Variants in ULK2 observed in about 807,000 individuals in gnomAD.
ULK2 encodes serine/threonine-protein kinase ULK2.
A neutral mutation model predicts 127.5 loss-of-function variants in ULK2; 76 were observed. The observed-to-expected ratio is 0.60, with a 90% CI of 0.50 to 0.72. The LOEUF (loss-of-function observed/expected upper bound fraction) is 0.72. ULK2 is among the 30% of genes least tolerant of loss of function. The pLI is 0.00. For missense variants in ULK2, 1,144 were observed against 1,295.9 expected (o/e 0.88, Z 1.80); for synonymous variants, 452 against 461.9 (o/e 0.98, Z 0.28).
chr17:19,847,433 AC>A (rs2041910016), intron 5 of ULK2, among the ~76,000 whole-genome samples: 3 of 152,002 alleles, frequency 2.0e-5, no homozygotes, highest in African/African-American at 7.2e-5. Context: ...TATCTCCCAC[AC>A]CCCCGTCCCA....
intron 25 of ULK2, 50 bp downstream of exon 25, chr17:19,780,422 C>T (rs2086894305): frequency 6.8e-7 from 1 of 1,461,098 alleles, no homozygotes; most frequent in Middle Eastern, 2.3e-4. Context: ...ATTAAAAAGA[C>T]ACTTAAAGAT....
intron 3 of ULK2, among the ~76,000 whole-genome samples, chr17:19,857,904 G>A (rs1219200977): frequency 6.6e-6 from 1 of 151,864 alleles, no homozygotes; most frequent in Non-Finnish European, 1.5e-5. Context: ...TCCTGTCAGT[G>A]GTCTTTACAG....
intron 13 of ULK2, among the ~76,000 whole-genome samples, chr17:19,814,411 CATATATAT>C (rs35552728): frequency 5.2e-4 from 19 of 36,534 alleles, no homozygotes; most frequent in South Asian, 1.3e-3. Context: ...TTATTATATA[CATATATAT>C]ATATATATAT....
At position 19,816,866 on chromosome 17, in the gene ULK2, C is replaced by G. The variant is rs374288072; in HGVS notation, c.979G>C (p.Gly327Arg). The part of the protein sequence containing the change: ...QEENLSSPPL[G>R]PPNYLQVSKD... The stretch of plus-strand genomic sequence containing the variant: ...GAAACTTGTAGATAGTTGGGAGGAC[C>G]CAATGGTGGGGAAGATAAGTTTTCT... Residue 327 changes from glycine (G) to arginine (R), a missense_variant, in exon 13 of 27, where the codon GGT (glycine) becomes CGT (arginine). Physicochemically the swap from Gly to Arg is moderately radical, Grantham distance 125. Around this residue, in one of 2 missense-constraint regions of ULK2, gnomAD observed 913 missense variants for 970.5 expected, o/e 0.94. Coordinates refer to ENST00000395544, the MANE Select transcript of ULK2 (RefSeq NM_014683.4). 107 of 1,610,778 alleles carry G rather than the reference C, an allele frequency of 6.6e-5. No individual in the cohort carries two copies. The highest frequency in any genetic ancestry group is 9.0e-5 in the Non-Finnish European group (106 of 1,179,062).
At chr17:19,790,963 C>T (rs1301037914) in intron 20 of ULK2, among the ~76,000 whole-genome samples, 1 of 151,914 alleles carries the variant, frequency 6.6e-6, no homozygotes, top group Non-Finnish European at 1.5e-5. Context: ...GATATGACAA[C>T]TGTAGATATA....
chr17:19,823,115 C>G, intron 12 of ULK2, among the ~76,000 whole-genome samples: 1 of 136,056 alleles, frequency 7.3e-6, no homozygotes, highest in African/African-American at 3.1e-5. Context: ...CATGCCCAGG[C>G]ACGCCTGGCT....
At chr17:19,859,367 A>G (rs1300325623) in intron 3 of ULK2, among the ~76,000 whole-genome samples, 1 of 151,750 alleles carries the variant, frequency 6.6e-6, no homozygotes, top group Non-Finnish European at 1.5e-5. Context: ...TACAAAAACA[A>G]AATTATCCAG....
Position 19,780,883 on chromosome 17 carries a change from A to G in ULK2, c.2758+103T>C, listed in dbSNP as rs1044525865. ...CTTTTCCCTTTAAGAATACTGAAAA[A>G]TAAAAACAACAGTGAGTACTCATCA... On this transcript the variant is annotated intron_variant, in intron 24 of 26. Coordinates refer to ENST00000395544, the MANE Select transcript of ULK2 (RefSeq NM_014683.4). 11 of 1,200,258 alleles carry G rather than the reference A, an allele frequency of 9.2e-6. No individual in the cohort carries two copies. The Admixed American group carries it at 1.1e-4, about 12-fold the overall frequency. The allele number at this position is 1,200,258 out of a possible 1,614,324, so 74.4% of individuals were successfully genotyped here.
chr17:19,786,117 T>C (rs1205261354), intron 20 of ULK2, 31 bp from the exon 21 acceptor site: 2 of 1,554,532 alleles, frequency 1.3e-6, no homozygotes, highest in African/African-American at 1.4e-5. Flanking sequence ...AAGGTCATAT[T>C]ACCCTGATAG....
chr17:19,812,923 A>C (rs1193987848), intron 13 of ULK2, among the ~76,000 whole-genome samples: 1 of 152,206 alleles, frequency 6.6e-6, no homozygotes, highest in Non-Finnish European at 1.5e-5. Context: ...TATAGCAAAA[A>C]ACTGTACATT....
At chr17:19,833,989 C>T (rs990089769) in intron 10 of ULK2, among the ~76,000 whole-genome samples, 7 of 152,246 alleles carry the variant, frequency 4.6e-5, no homozygotes, top group African/African-American at 1.7e-4. Flanking sequence ...AGGATAAACA[C>T]AGAGATACAC....
chr17:19,843,931 T>C (rs1008041820), intron 7 of ULK2, among the ~76,000 whole-genome samples: 1 of 152,262 alleles, frequency 6.6e-6, no homozygotes, highest in Middle Eastern at 3.4e-3. Flanking sequence ...GTGCTGGGAT[T>C]ACAGGCATGA....
intron 13 of ULK2, among the ~76,000 whole-genome samples, chr17:19,812,960 G>C (rs1305858857): frequency 6.6e-6 from 1 of 152,030 alleles, no homozygotes; most frequent in Non-Finnish European, 1.5e-5. Context: ...TAAAACAGAG[G>C]GTCTCTGAAC....
intron 3 of ULK2, among the ~76,000 whole-genome samples, chr17:19,861,271 G>T (rs150005077): frequency 6.6e-6 from 1 of 152,250 alleles, no homozygotes; most frequent in East Asian, 1.9e-4. Flanking sequence ...GCAAGGCCGG[G>T]CGCGGTGGCT....
chr17:19,867,255 T>C lies in ULK2; in HGVS notation c.90+73A>G, dbSNP rs2042372601. On this transcript the variant is annotated intron_variant, in intron 1 of 26. Coordinates refer to ENST00000395544, the MANE Select transcript of ULK2 (RefSeq NM_014683.4). ...CGAGTCGGGGGTCTCGGCTCGCGGC[T>C]GCGCCAAGTTTCAGAACCACCTAGC... 4 of 1,252,840 alleles carry C rather than the reference T, an allele frequency of 3.2e-6. No individual in the cohort carries two copies. The East Asian group carries it at 1.2e-4, about 37-fold the overall frequency. 77.6% of individuals were successfully genotyped at this position (1,252,840 alleles called of 1,614,324 possible). A position where few individuals can be genotyped will look rare whatever the true frequency, so the allele number is the denominator to read the frequency against.
rs371036114 is a variant in ULK2 at position 19,819,640 on chromosome 17, G to A, written c.925-2720C>T. Among the ~76,000 whole-genome samples, 19 of 152,210 alleles carry A rather than the reference G, an allele frequency of 1.2e-4. No individual in the cohort carries two copies. In the South Asian group the frequency reaches 1.5e-3, roughly 12 times the overall value. On this transcript the variant is annotated intron_variant, in intron 12 of 26. Coordinates refer to ENST00000395544, the MANE Select transcript of ULK2 (RefSeq NM_014683.4). ...CTATACAACACATTCATGCCTGTAC[G>A]TTAACTCATCACCTTTATATTCCAA...
chr17:19,777,668 C>T lies in ULK2; in HGVS notation c.2965G>A (p.Val989Ile). ...DEMFQQTEDI[V>I]YRYHKAALLL... ...AGGGCTGCCTTATGATAGCGATAAA[C>T]AATATCTTCGGTCTGCTGAAACATC... The change falls in exon 26 of 27, where the codon GTT becomes ATT. Residue 989 changes from valine (V) to isoleucine (I), a missense_variant. Val to Ile is a conservative substitution (Grantham distance 29). Transcript: ENST00000395544. 6 of 1,614,008 alleles carry T rather than the reference C, an allele frequency of 3.7e-6. No individual in the cohort carries two copies. The highest frequency in any genetic ancestry group is 4.2e-6 in the Non-Finnish European group (5 of 1,179,988).
chr17:19,791,881 A>C (rs2087163610), intron 20 of ULK2, among the ~76,000 whole-genome samples: 1 of 151,342 alleles, frequency 6.6e-6, no homozygotes, highest in Admixed American at 6.6e-5. Flanking sequence ...AAATAATATC[A>C]AGCTTCTTCT....
chr17:19,780,329 T>C, intron 25 of ULK2, 143 bp downstream of exon 25: 1 of 631,298 alleles, frequency 1.6e-6, no homozygotes, highest in Non-Finnish European at 2.4e-6. Context: ...TAAATCCAAT[T>C]ACTTCTTTAG....
Sources: allele counts gnomAD v4.1 joint callset (sites outside exome capture counted in the v4.1 genomes callset), GRCh38; gene constraint gnomAD v4.1.1; regional missense constraint gnomAD v4.1.1; transcripts MANE v1.5; gene names NCBI Gene and HGNC (gene_info 2026-07-23, HGNC 2026-07-21).